ZHX3: variants seen among roughly 807,000 people sequenced by gnomAD.
ZHX3 encodes zinc fingers and homeoboxes 3, also known as zinc fingers and homeoboxes protein 3.
ZHX3 carries 20 observed loss-of-function variants against 64.5 expected under a neutral mutation model. The observed-to-expected ratio is 0.31, with a 90% CI of 0.22 to 0.45. The LOEUF (loss-of-function observed/expected upper bound fraction) is 0.45. Among genes scored for constraint, ZHX3 ranks in the 20% least tolerant of loss-of-function variants. The pLI is 1.00. For missense variants in ZHX3, 1,041 were observed against 1,195.8 expected, an observed-to-expected ratio of 0.87 and a Z score of 1.91; for synonymous variants, 423 against 461.6, an observed-to-expected ratio of 0.92 and a Z score of 1.07.
chr20:41,187,913 T>C (rs1332636416), intron 3 of ZHX3, among the ~76,000 whole-genome samples: 1 of 152,358 alleles, frequency 6.6e-6, no homozygotes, highest in Non-Finnish European at 1.5e-5. Flanking sequence ...TTTCTGTGTG[T>C]TGGTAATATT....
At chr20:41,207,518 C>T (rs113569063) in intron 2 of ZHX3, among the ~76,000 whole-genome samples, 1 of 152,278 alleles carries the variant, frequency 6.6e-6, no homozygotes, top group East Asian at 1.9e-4. Context: ...TGCAATCAAA[C>T]TAGAACTCAG....
intron 1 of ZHX3, among the ~76,000 whole-genome samples, chr20:41,285,178 C>A (rs1024587061): frequency 6.6e-6 from 1 of 152,116 alleles, no homozygotes; most frequent in Non-Finnish European, 1.5e-5. Flanking sequence ...TCCTCTATAT[C>A]CTCACTAAAC....
At chr20:41,300,523 T>A (rs368379677) in intron 1 of ZHX3, among the ~76,000 whole-genome samples, 19 of 152,258 alleles carry the variant, frequency 1.2e-4, no homozygotes, top group African/African-American at 4.6e-4. Context: ...TGTAACTCTA[T>A]CCCTCAAGCA....
chr20:41,239,261 G>A (rs1462482627), intron 2 of ZHX3, among the ~76,000 whole-genome samples: 2 of 151,524 alleles, frequency 1.3e-5, no homozygotes, highest in Non-Finnish European at 1.5e-5. Flanking sequence ...CGCCCGCCTC[G>A]GCCTCCCAAA....
In ZHX3 at chr20:41,232,874, C is replaced by T. The variant is rs903158808; in HGVS notation, c.-150-27808G>A. 6.6e-6 allele frequency among the ~76,000 whole-genome samples: 1 copy of T among 152,202 alleles called. No homozygotes were observed. Among genetic ancestry groups the T allele is most frequent in the African/African-American group, 2.4e-5 (1 of 41,468 alleles). On this transcript the variant is annotated intron_variant, in intron 2 of 3. Transcript: ENST00000683867. The surrounding 1 kb of genome is among the most constrained non-coding windows in gnomAD (Gnocchi z 5.0). ...TGCTGGGATTACAGGCATGAGCCAC[C>T]ACGCCCGGCTGGAAAATTCTTGATA... is the stretch of plus-strand genomic sequence containing the variant.
Position 41,215,939 on chromosome 20 carries a change from G to A in ZHX3, c.-150-10873C>T, listed in dbSNP as rs570407254. 2.9e-3 allele frequency among the ~76,000 whole-genome samples: 421 copies of A among 146,288 alleles called. 3 individuals carry two copies. The highest frequency in any genetic ancestry group is 0.015 in the South Asian group (70 of 4,580). On this transcript the variant is annotated intron_variant, in intron 2 of 3. Transcript: ENST00000683867. ...TGCACTCCAGCCTGGGCGACAGAGC[G>A]AGACTGTCCAAAAAAAAAAAAAAAG...
At chr20:41,282,319 C>A (rs1392932260) in intron 1 of ZHX3, among the ~76,000 whole-genome samples, 1 of 146,108 alleles carries the variant, frequency 6.8e-6, no homozygotes, top group East Asian at 2.0e-4. Flanking sequence ...GTATTTAACA[C>A]TGGAGAAGTA....
chr20:41,260,811 G>C (rs1194004581), intron 2 of ZHX3, among the ~76,000 whole-genome samples: 3 of 152,212 alleles, frequency 2.0e-5, no homozygotes, highest in African/African-American at 7.2e-5. Flanking sequence ...CCAGTTTACA[G>C]ATGAGAAAAT....
chr20:41,308,097 G>C (rs1289589143), intron 1 of ZHX3, among the ~76,000 whole-genome samples: 1 of 152,192 alleles, frequency 6.6e-6, no homozygotes, highest in Non-Finnish European at 1.5e-5. Context: ...TGACATTAAA[G>C]AACATATTAT....
rs977254524 is a variant in ZHX3, at chr20:41,200,542, T to G, written c.2860+1515A>C. 6.6e-6 allele frequency among the ~76,000 whole-genome samples: 1 copy of G among 152,142 alleles called. No individual in the cohort carries two copies. Among genetic ancestry groups the G allele is most frequent in the Admixed American group, 6.6e-5 (1 of 15,266 alleles). Reference sequence around the variant, plus strand: ...ACTTTATAAAGCAGGCTGTGAGCTGTGGGCCCCAAAGGAGGGGAGTGTTTT... The same window carrying G: ...ACTTTATAAAGCAGGCTGTGAGCTGGGGGCCCCAAAGGAGGGGAGTGTTTT... On this transcript the variant is annotated intron_variant, in intron 3 of 3. Coordinates refer to ENST00000683867, the MANE Select transcript of ZHX3 (RefSeq NM_001384317.1). This position sits in a 1 kb window ranked among gnomAD's most constrained non-coding sequence, Gnocchi z 4.2.
intron 1 of ZHX3, among the ~76,000 whole-genome samples, chr20:41,301,883 T>A (rs1472310433): frequency 2.7e-5 from 4 of 150,264 alleles, no homozygotes; most frequent in Admixed American, 6.6e-5. Flanking sequence ...TGAAACCCCG[T>A]CTCTACTAAA....
chr20:41,276,348 G>A (rs113904708), intron 1 of ZHX3, among the ~76,000 whole-genome samples: 10 of 152,280 alleles, frequency 6.6e-5, no homozygotes, highest in Non-Finnish European at 1.0e-4. Context: ...TGAAGCCTCT[G>A]TAAAAGGGAG....
chr20:41,186,029 C>T (rs1445060922), intron 3 of ZHX3, among the ~76,000 whole-genome samples: 6 of 152,156 alleles, frequency 3.9e-5, no homozygotes, highest in South Asian at 2.1e-4. Flanking sequence ...TTCACCATTA[C>T]GACAATTTTA....
chr20:41,234,624 C>T (rs557334369), intron 2 of ZHX3, among the ~76,000 whole-genome samples: 1 of 152,346 alleles, frequency 6.6e-6, no homozygotes, highest in African/African-American at 2.4e-5. Flanking sequence ...TTTGAGATTA[C>T]TGCCTCGCGA....
At chr20:41,274,727 G>A (rs1350681315) in intron 1 of ZHX3, among the ~76,000 whole-genome samples, 1 of 152,210 alleles carries the variant, frequency 6.6e-6, no homozygotes, top group Non-Finnish European at 1.5e-5. Flanking sequence ...ATGAGTCTGA[G>A]TGAGGGGCAG....
rs1316779605 is a variant in ZHX3 at position 41,185,876 on chromosome 20, C to G, written c.2861-675G>C. ...ATGGCCACCCCCTGCCATTCCTGCT[C>G]TGTCCCACAAAGGACAGCAACATGT... On this transcript the variant is annotated intron_variant, in intron 3 of 3. Coordinates refer to ENST00000683867, the MANE Select transcript of ZHX3 (RefSeq NM_001384317.1). The surrounding 1 kb of genome is among the most constrained non-coding windows in gnomAD (Gnocchi z 5.0). The G allele has an allele frequency of 6.6e-6, 1 of 152,348 alleles. No individual in the cohort carries two copies. Among genetic ancestry groups the G allele is most frequent in the Non-Finnish European group, 1.5e-5 (1 of 68,130 alleles). 9.4% of individuals were successfully genotyped at this position (152,348 alleles called of 1,614,324 possible).
chr20:41,250,219 T>C (rs1356905880), intron 2 of ZHX3, among the ~76,000 whole-genome samples: 2 of 152,074 alleles, frequency 1.3e-5, no homozygotes, highest in African/African-American at 4.8e-5. Context: ...ATAAACCAAG[T>C]GGACCAAAAG....
chr20:41,257,555 G>A (rs1033536750), intron 2 of ZHX3, among the ~76,000 whole-genome samples: 5 of 151,272 alleles, frequency 3.3e-5, no homozygotes, highest in Non-Finnish European at 7.4e-5. Context: ...ACTCCACAAT[G>A]ACTCTTAAAA....
rs544249560 is a variant in ZHX3 at position 41,208,507 on chromosome 20, T to G, written c.-150-3441A>C. Among the ~76,000 whole-genome samples the G allele has an allele frequency of 3.9e-5, 6 of 152,358 alleles. No homozygotes were observed. In the South Asian group the frequency reaches 1.2e-3, roughly 32 times the overall value. Reference sequence around the variant, plus strand: ...GCTTATCTACCACGACCAAGTTGGCTTCATACCTGGGATGCAAGGCTGGTT... The same window carrying G: ...GCTTATCTACCACGACCAAGTTGGCGTCATACCTGGGATGCAAGGCTGGTT... On this transcript the variant is annotated intron_variant, in intron 2 of 3. Transcript: ENST00000683867.
Sources: allele counts gnomAD v4.1 joint callset (sites outside exome capture counted in the v4.1 genomes callset), GRCh38; gene constraint gnomAD v4.1.1; non-coding constraint Gnocchi (gnomAD v3.1); transcripts MANE v1.5; gene names NCBI Gene and HGNC (gene_info 2026-07-23, HGNC 2026-07-21).